FHIT: variants seen among roughly 807,000 people sequenced by gnomAD.
FHIT encodes bis(5'-adenosyl)-triphosphatase.
Under a neutral mutation model 17.9 loss-of-function variants are expected in FHIT, and 19 were observed. That is an observed-to-expected ratio of 1.06 (90% CI 0.74 to 1.56). The LOEUF (loss-of-function observed/expected upper bound fraction) is 1.56. Ranked by LOEUF, FHIT falls within the 40% of genes most tolerant of loss-of-function variation. The pLI is 0.00. For synonymous variants in FHIT, 81 were observed against 69.7 expected (o/e 1.16, Z -0.81); for missense variants, 248 against 189.2 (o/e 1.31, Z -1.82).
chr3:60,898,862 G>A (rs1705960742), intron 3 of FHIT, among the ~76,000 whole-genome samples: 1 of 152,132 alleles, frequency 6.6e-6, no homozygotes. Flanking sequence ...AGGAATTTAT[G>A]GGAAAGCTTC....
At chr3:60,877,967 T>C (rs1704748859) in intron 3 of FHIT, among the ~76,000 whole-genome samples, 1 of 151,950 alleles carries the variant, frequency 6.6e-6, no homozygotes, top group Admixed American at 6.6e-5. Flanking sequence ...CATTCCAAGG[T>C]CTAAATTTAC....
At chr3:60,320,751 C>CATT (rs1456926685) in intron 5 of FHIT, among the ~76,000 whole-genome samples, 1 of 151,840 alleles carries the variant, frequency 6.6e-6, no homozygotes, top group Non-Finnish European at 1.5e-5. Flanking sequence ...TTACAAGTAA[C>CATT]ATAAGAAAGA....
chr3:60,310,856 C>A (rs1274427120), intron 5 of FHIT, among the ~76,000 whole-genome samples: 3 of 152,148 alleles, frequency 2.0e-5, no homozygotes, highest in African/African-American at 7.2e-5. Context: ...TTATATTTTT[C>A]CCCATCTGCC....
At chr3:60,526,383 G>C (rs2035576657) in intron 5 of FHIT, among the ~76,000 whole-genome samples, 1 of 152,082 alleles carries the variant, frequency 6.6e-6, no homozygotes, top group Non-Finnish European at 1.5e-5. Context: ...CCTCTCTGGA[G>C]AGGCCAGCAC....
At chr3:60,274,547 G>A (rs1707030087) in intron 5 of FHIT, among the ~76,000 whole-genome samples, 1 of 152,124 alleles carries the variant, frequency 6.6e-6, no homozygotes, top group Non-Finnish European at 1.5e-5. Context: ...CATAAGCTAT[G>A]TTTACAATGA....
At chr3:60,477,789 A>T (rs538063264) in intron 5 of FHIT, among the ~76,000 whole-genome samples, 2 of 152,210 alleles carry the variant, frequency 1.3e-5, no homozygotes, top group Non-Finnish European at 2.9e-5. Flanking sequence ...TTATCTTGGA[A>T]GGAGGGCAGA....
intron 5 of FHIT, among the ~76,000 whole-genome samples, chr3:60,494,717 A>T (rs1207819136): frequency 6.6e-6 from 1 of 152,152 alleles, no homozygotes; most frequent in African/African-American, 2.4e-5. Flanking sequence ...AATAAGTGAG[A>T]ACATACAGTA....
rs76357428 is a variant in FHIT, at chr3:61,130,443, G to A, written c.-164+70174C>T. ...CAAAGATTCAGCAATTCTGAATTCCGGTACACCTCCTAACAGGGTAAACAT... is the reference window on the plus strand; with the variant it reads ...CAAAGATTCAGCAATTCTGAATTCCAGTACACCTCCTAACAGGGTAAACAT... On this transcript the variant is annotated intron_variant, in intron 2 of 9. Coordinates refer to ENST00000492590, the MANE Select transcript of FHIT (RefSeq NM_002012.4). Among the ~76,000 whole-genome samples, 1,151 of 152,202 alleles carry A rather than the reference G, an allele frequency of 7.6e-3. 16 individuals are homozygous for A. Among genetic ancestry groups the A allele is most frequent in the African/African-American group, 0.026 (1,095 of 41,518 alleles).
intron 4 of FHIT, among the ~76,000 whole-genome samples, chr3:60,563,230 A>G (rs1034516797): frequency 6.6e-6 from 1 of 152,090 alleles, no homozygotes; most frequent in African/African-American, 2.4e-5. Flanking sequence ...CTTATTCTGG[A>G]TATGTCTTGG....
chr3:60,744,263 C>CAAAAAAAAAAAA (rs1201886354), intron 4 of FHIT, among the ~76,000 whole-genome samples: 3 of 85,986 alleles, frequency 3.5e-5, no homozygotes, highest in Admixed American at 1.3e-4. Flanking sequence ...AAAAACAAAA[C>CAAAAAAAAAAAA]AAAACAAAAA....
intron 5 of FHIT, among the ~76,000 whole-genome samples, chr3:60,311,989 A>G (rs1372656020): frequency 6.6e-6 from 1 of 152,218 alleles, no homozygotes; most frequent in Non-Finnish European, 1.5e-5. Context: ...CTGAATTATA[A>G]AATCAATTTA....
At chr3:60,215,654 AGTCT>A (rs1337765749) in intron 5 of FHIT, among the ~76,000 whole-genome samples, 1 of 152,218 alleles carries the variant, frequency 6.6e-6, no homozygotes, top group Non-Finnish European at 1.5e-5. Context: ...AATATCAATG[AGTCT>A]GTCTAATAAA....
chr3:60,015,423 C>T (rs1269962176), intron 5 of FHIT, among the ~76,000 whole-genome samples: 1 of 152,130 alleles, frequency 6.6e-6, no homozygotes, highest in Non-Finnish European at 1.5e-5. Flanking sequence ...AGGCGTTCAC[C>T]CACAGGGCAT....
At chr3:60,895,519 A>T (rs1478623835) in intron 3 of FHIT, among the ~76,000 whole-genome samples, 2 of 151,958 alleles carry the variant, frequency 1.3e-5, no homozygotes, top group Admixed American at 1.3e-4. Context: ...TGACAATTCT[A>T]CTCTGAATCA....
intron 4 of FHIT, among the ~76,000 whole-genome samples, chr3:60,570,307 G>T (rs889115714): frequency 6.6e-6 from 1 of 152,262 alleles, no homozygotes; most frequent in South Asian, 2.1e-4. Context: ...AATTTAATGG[G>T]AAAGACTATT....
At chr3:60,716,053 C>T (rs2107950754) in intron 4 of FHIT, among the ~76,000 whole-genome samples, 1 of 152,096 alleles carries the variant, frequency 6.6e-6, no homozygotes, top group East Asian at 1.9e-4. Context: ...GAGTTCGAGA[C>T]CAACATTGCA....
At chr3:60,997,972 A>T (rs1049789037) in intron 3 of FHIT, among the ~76,000 whole-genome samples, 2 of 152,232 alleles carry the variant, frequency 1.3e-5, no homozygotes, top group Non-Finnish European at 2.9e-5. Flanking sequence ...ATACCTATAA[A>T]GATCACAAAG....
chr3:61,173,652 A>C (rs1180678041), intron 2 of FHIT, among the ~76,000 whole-genome samples: 2 of 152,146 alleles, frequency 1.3e-5, no homozygotes, highest in Non-Finnish European at 2.9e-5. Context: ...ATTTCCTACC[A>C]CTCTACTTTG....
intron 5 of FHIT, among the ~76,000 whole-genome samples, chr3:60,034,055 T>C (rs1253468071): frequency 6.6e-6 from 1 of 152,218 alleles, no homozygotes; most frequent in Non-Finnish European, 1.5e-5. Context: ...TGAGTACTTA[T>C]AATGGGGCAG....
Sources: gnomAD v4.1 joint callset for allele counts (sites outside exome capture counted in the v4.1 genomes callset) on GRCh38, gnomAD v4.1.1 for gene constraint, MANE v1.5 for transcripts, NCBI Gene and HGNC (gene_info 2026-07-23, HGNC 2026-07-21) for gene names.